The following AKAP6 variants were observed in gnomAD, a reference collection of about 807,000 sequenced individuals.
The protein encoded by AKAP6 is A-kinase anchoring protein 6.
Under a neutral mutation model 188.5 loss-of-function variants are expected in AKAP6, and 58 were observed. The observed-to-expected ratio is 0.31, with a 90% CI of 0.25 to 0.38. The LOEUF is 0.38. Ranked by LOEUF, AKAP6 falls within the 10% of genes least tolerant of loss-of-function variation. The pLI, the probability that AKAP6 is intolerant of heterozygous loss-of-function variation, is 1.00. For synonymous variants in AKAP6, 989 were observed against 998.6 expected, an observed-to-expected ratio of 0.99 and a Z score of 0.18; for missense variants, 2,710 against 2,740.0, an observed-to-expected ratio of 0.99 and a Z score of 0.24.
chr14:32,614,475 T>C (rs954555469), intron 7 of AKAP6, among the ~76,000 whole-genome samples: 6 of 152,212 alleles, frequency 3.9e-5, no homozygotes, highest in African/African-American at 1.2e-4. Context: ...AATCAATAGT[T>C]CTTTCTTCTC....
At chr14:32,715,421 G>A (rs2030138227) in intron 9 of AKAP6, among the ~76,000 whole-genome samples, 1 of 151,490 alleles carries the variant, frequency 6.6e-6, no homozygotes, top group African/African-American at 2.4e-5. Context: ...TTTTCCTTAA[G>A]TAATTTATAA....
chr14:32,391,804 T>C (rs1210600217), intron 1 of AKAP6, among the ~76,000 whole-genome samples: 1 of 152,196 alleles, frequency 6.6e-6, no homozygotes, highest in East Asian at 1.9e-4. Flanking sequence ...ATGTTTCTTG[T>C]ACAGCCTGTA....
chr14:32,666,554 ATACTT>A (rs1888944548), intron 7 of AKAP6, among the ~76,000 whole-genome samples: 1 of 152,072 alleles, frequency 6.6e-6, no homozygotes, highest in South Asian at 2.1e-4. Flanking sequence ...AGCAATCTAA[ATACTT>A]TATTTTATTT....
chr14:32,589,981 T>C (rs1885420390), intron 5 of AKAP6, among the ~76,000 whole-genome samples: 1 of 152,140 alleles, frequency 6.6e-6, no homozygotes, highest in Admixed American at 6.5e-5. Context: ...CTCTATTGCA[T>C]TATGTGGAAT....
chr14:32,658,772 G>T (rs1326946370), intron 7 of AKAP6, among the ~76,000 whole-genome samples: 1 of 136,450 alleles, frequency 7.3e-6, no homozygotes. Flanking sequence ...CATTTTTAAA[G>T]TCTTCTTTAA....
At chr14:32,373,294 A>C (rs1448541959) in intron 1 of AKAP6, 1 of 151,868 alleles carries the variant, frequency 6.6e-6, no homozygotes, top group Non-Finnish European at 1.5e-5. Context: ...TTTAAGGATA[A>C]CTTGGTGGGT....
chr14:32,425,348 G>T (rs73259235), intron 1 of AKAP6, among the ~76,000 whole-genome samples: 2,658 of 152,118 alleles, frequency 0.017, 72 homozygotes, highest in African/African-American at 0.061. Flanking sequence ...TATAATTCCA[G>T]CACTTTGGGA....
At chr14:32,715,056 G>A (rs926315459) in intron 9 of AKAP6, among the ~76,000 whole-genome samples, 9 of 151,886 alleles carry the variant, frequency 5.9e-5, no homozygotes, top group African/African-American at 7.2e-5. Context: ...CTATATGGTC[G>A]AAGGCAGATT....
chr14:32,715,868 G>T (rs1216100637), intron 9 of AKAP6, among the ~76,000 whole-genome samples: 1 of 151,826 alleles, frequency 6.6e-6, no homozygotes, highest in Non-Finnish European at 1.5e-5. Flanking sequence ...TAAAAGAGAT[G>T]AGAAAAGTTA....
chr14:32,679,021 A>G (rs1041706406), intron 8 of AKAP6, among the ~76,000 whole-genome samples: 1 of 152,210 alleles, frequency 6.6e-6, no homozygotes, highest in Non-Finnish European at 1.5e-5. Context: ...AATTTCATTC[A>G]GCCTGAGACA....
chr14:32,488,227 C>G (rs1050445633), intron 2 of AKAP6, among the ~76,000 whole-genome samples: 1 of 152,272 alleles, frequency 6.6e-6, no homozygotes, highest in South Asian at 2.1e-4. Flanking sequence ...ATGCCCTGCC[C>G]GGAGAGGAGG....
chr14:32,789,094 G>A (rs898732170), intron 12 of AKAP6, among the ~76,000 whole-genome samples: 33 of 152,118 alleles, frequency 2.2e-4, no homozygotes, highest in Non-Finnish European at 3.2e-4. Flanking sequence ...CAGCACGGCT[G>A]CCTTGCCAGA....
chr14:32,398,280 G>GCA (rs1452461300), intron 1 of AKAP6, among the ~76,000 whole-genome samples: 26 of 152,234 alleles, frequency 1.7e-4, no homozygotes, highest in South Asian at 4.1e-4. Context: ...AGGAAATTGT[G>GCA]TGTGTGGGGC....
intron 5 of AKAP6, among the ~76,000 whole-genome samples, chr14:32,585,917 G>T (rs912648488): frequency 5.3e-5 from 8 of 152,086 alleles, no homozygotes; most frequent in Middle Eastern, 3.2e-3. Flanking sequence ...GTTGGGGCTG[G>T]GTGGTAAAGG....
chr14:32,707,549 G>A (rs1356851968), intron 9 of AKAP6, among the ~76,000 whole-genome samples: 1 of 151,976 alleles, frequency 6.6e-6, no homozygotes, highest in Non-Finnish European at 1.5e-5. Context: ...TATATTTTTT[G>A]TTAGACTTCA....
intron 2 of AKAP6, among the ~76,000 whole-genome samples, chr14:32,526,626 G>A (rs1242226008): frequency 2.0e-5 from 3 of 152,108 alleles, no homozygotes; most frequent in South Asian, 2.1e-4. Context: ...GGGGTCCTTC[G>A]ACCTTGGCCT....
chr14:32,399,058 T>G (rs1161276587), intron 1 of AKAP6, among the ~76,000 whole-genome samples: 1 of 152,002 alleles, frequency 6.6e-6, no homozygotes, highest in African/African-American at 2.4e-5. Flanking sequence ...TTCACTGTGT[T>G]GCCCAGGCTG....
intron 11 of AKAP6, among the ~76,000 whole-genome samples, chr14:32,737,017 G>A (rs1251040220): frequency 6.6e-6 from 1 of 152,148 alleles, no homozygotes; most frequent in Admixed American, 6.6e-5. Flanking sequence ...AAGCAAATGG[G>A]TTTATGGTCT....
At chr14:32,360,201 C>T (rs1887613127) in intron 1 of AKAP6, among the ~76,000 whole-genome samples, 1 of 151,854 alleles carries the variant, frequency 6.6e-6, no homozygotes, top group Non-Finnish European at 1.5e-5. Context: ...AATCTTGGCT[C>T]ATTGCAACCT....
Sources: gnomAD v4.1 joint callset for allele counts (sites outside exome capture counted in the v4.1 genomes callset) on GRCh38, gnomAD v4.1.1 for gene constraint, MANE v1.5 for transcripts, NCBI Gene and HGNC (gene_info 2026-07-23, HGNC 2026-07-21) for gene names.